SATB1: variants seen among roughly 807,000 people sequenced by gnomAD.
The protein encoded by SATB1 is SATB homeobox 1, also known as DNA-binding protein SATB1.
Under a neutral mutation model 86.9 loss-of-function variants are expected in SATB1, and 11 were observed. That is an observed-to-expected ratio of 0.13 (90% confidence interval 0.08 to 0.21). The LOEUF is 0.21. Ranked by LOEUF, SATB1 falls within the 10% of genes least tolerant of loss-of-function variation. The pLI, the probability that SATB1 is intolerant of heterozygous loss-of-function variation, is 1.00. For synonymous variants in SATB1, 357 were observed against 357.2 expected (o/e 1.00, Z 0.01); for missense variants, 551 against 937.6 (o/e 0.59, Z 5.39).
chr3:18,371,137 C>T (rs1174314684), intron 9 of SATB1, among the ~76,000 whole-genome samples: 1 of 152,104 alleles, frequency 6.6e-6, no homozygotes, highest in African/African-American at 2.4e-5. Context: ...AACCCAATTC[C>T]TGAAGCATCT....
In SATB1 at chr3:18,349,142, A is replaced by G. The variant is rs1302570918; in HGVS notation, c.*28T>C. ...CATTTTGTTAGTAAATACCAGTGGC[A>G]CTGTTGAACGAAACAAATACTTTTA... is the stretch of plus-strand genomic sequence containing the variant. On this transcript the variant is annotated 3_prime_UTR_variant, in exon 11 of 11. Coordinates refer to ENST00000338745, the MANE Select transcript of SATB1 (RefSeq NM_002971.6). This position sits in a 1 kb window ranked among gnomAD's most constrained non-coding sequence, Gnocchi z 5.5. 6.2e-7 allele frequency: 1 copy of G among 1,602,344 alleles called. No homozygotes were observed. Among genetic ancestry groups the G allele is most frequent in the Non-Finnish European group, 8.5e-7 (1 of 1,173,166 alleles).
At position 18,346,881 on chromosome 3, in the gene SATB1, A is replaced by T. The variant is rs1319647886; in HGVS notation, c.*2289T>A. The T allele has an allele frequency of 6.6e-6, 1 of 152,070 alleles. No individual in the cohort carries two copies. The highest frequency in any genetic ancestry group is 6.6e-5 in the Admixed American group (1 of 15,262). 9.4% of individuals were successfully genotyped at this position (152,070 alleles called of 1,614,324 possible). Reference sequence around the variant, plus strand: ...ATTTCCTATTTTTTAAATACATGAAACCTAGTTTCTATTTTCTTAATTCAA... The same window carrying T: ...ATTTCCTATTTTTTAAATACATGAATCCTAGTTTCTATTTTCTTAATTCAA... On this transcript the variant is annotated 3_prime_UTR_variant, in exon 11 of 11. Transcript: ENST00000338745.
chr3:18,367,830 T>C (rs576494512), intron 9 of SATB1, among the ~76,000 whole-genome samples: 1 of 152,158 alleles, frequency 6.6e-6, no homozygotes, highest in Non-Finnish European at 1.5e-5. Flanking sequence ...TGGGGGATAA[T>C]TTTTTATCTT....
At chr3:18,367,374 CAAAGAACATTA>C (rs2125161776) in intron 9 of SATB1, among the ~76,000 whole-genome samples, 1 of 152,196 alleles carries the variant, frequency 6.6e-6, no homozygotes, top group South Asian at 2.1e-4. Flanking sequence ...AAGAAAACAA[CAAAGAACATTA>C]AAAGGAATCA....
rs552387159 is a variant in SATB1 at position 18,415,049 on chromosome 3, T to C, written c.639+62A>G. The stretch of plus-strand genomic sequence containing the variant: ...AGTTGCTTTAAACCAGGGAGCTCCA[T>C]CAAACCTCAAATCAGGGTTGCCCAT... On this transcript the variant is annotated intron_variant, in intron 5 of 10. Coordinates refer to ENST00000338745, the MANE Select transcript of SATB1 (RefSeq NM_002971.6). 2.0e-4 allele frequency: 324 copies of C among 1,590,412 alleles called. 6 individuals carry two copies. The South Asian group carries it at 3.4e-3, about 17-fold the overall frequency.
At chr3:18,367,632 G>A (rs1219852547) in intron 9 of SATB1, among the ~76,000 whole-genome samples, 1 of 152,124 alleles carries the variant, frequency 6.6e-6, no homozygotes, top group Non-Finnish European at 1.5e-5. Context: ...GTAGTCTAAC[G>A]ATTAATTTAA....
At chr3:18,419,489 C>G (rs577734620) in intron 2 of SATB1, among the ~76,000 whole-genome samples, 42 of 152,176 alleles carry the variant, frequency 2.8e-4, no homozygotes, top group Non-Finnish European at 5.1e-4. Context: ...CTAAAACTGT[C>G]CTGGCATTAA....
At chr3:18,415,349 T>C in intron 4 of SATB1, 115 bp from the exon 5 acceptor site, 1 of 1,190,720 alleles carries the variant, frequency 8.4e-7, no homozygotes, top group Non-Finnish European at 1.2e-6. Context: ...ATCTGGAGAT[T>C]GCTCTCGGTC....
chr3:18,414,860 C>A (rs150997035), intron 5 of SATB1: 4 of 359,588 alleles, frequency 1.1e-5, no homozygotes, highest in Non-Finnish European at 1.5e-5. Flanking sequence ...AATTAGCCAG[C>A]GGAGTCTTCC....
chr3:18,366,221 T>A lies in SATB1; in HGVS notation c.1575+11949A>T, dbSNP rs547178234. On this transcript the variant is annotated intron_variant, in intron 9 of 10. Coordinates refer to ENST00000338745, the MANE Select transcript of SATB1 (RefSeq NM_002971.6). The stretch of plus-strand genomic sequence containing the variant: ...ATTAAATGCTACAGGTACCAATTTA[T>A]AAACTTGCAAAAATGGATTTCAAGG... Among the ~76,000 whole-genome samples the A allele has an allele frequency of 9.2e-5, 14 of 151,670 alleles. No individual in the cohort carries two copies. The South Asian group carries it at 2.9e-3, about 32-fold the overall frequency.
intron 2 of SATB1, 73 bp downstream of exon 2, chr3:18,420,684 A>AC (rs1698339542): frequency 8.4e-7 from 1 of 1,195,180 alleles, no homozygotes; most frequent in South Asian, 1.2e-5. Flanking sequence ...CTGCCACTCC[A>AC]CCCCCACACA....
intron 8 of SATB1, among the ~76,000 whole-genome samples, chr3:18,385,035 C>T (rs1348128890): frequency 6.6e-6 from 1 of 152,046 alleles, no homozygotes; most frequent in East Asian, 1.9e-4. Context: ...AGTTTCAGAA[C>T]CTTATGATAA....
intron 5 of SATB1, among the ~76,000 whole-genome samples, chr3:18,399,674 G>A (rs560934587): frequency 1.3e-5 from 2 of 152,264 alleles, no homozygotes; most frequent in South Asian, 2.1e-4. Flanking sequence ...CATGGTGTAT[G>A]CTTAGGAAAC....
chr3:18,355,627 G>A (rs1047579456), intron 9 of SATB1, among the ~76,000 whole-genome samples: 5 of 151,940 alleles, frequency 3.3e-5, no homozygotes, highest in African/African-American at 1.2e-4. Flanking sequence ...GGAATGAAAT[G>A]CAGTGCTTTG....
At chr3:18,367,263 A>C (rs1347635478) in intron 9 of SATB1, among the ~76,000 whole-genome samples, 1 of 152,212 alleles carries the variant, frequency 6.6e-6, no homozygotes, top group African/African-American at 2.4e-5. Context: ...TATGTAGAAA[A>C]TCAGGAGCCA....
At chr3:18,390,638 A>C (rs1417694952) in intron 7 of SATB1, among the ~76,000 whole-genome samples, 1 of 152,138 alleles carries the variant, frequency 6.6e-6, no homozygotes, top group Non-Finnish European at 1.5e-5. Context: ...TCCACCACAT[A>C]ATTTACAGAA....
chr3:18,423,613 G>T lies in SATB1; in HGVS notation c.-25+14C>A, dbSNP rs1170403208. 6.6e-6 allele frequency: 1 copy of T among 151,764 alleles called. No homozygotes were observed. Among genetic ancestry groups the T allele is most frequent in the African/African-American group, 2.4e-5 (1 of 41,286 alleles). 9.4% of individuals were successfully genotyped at this position (151,764 alleles called of 1,614,324 possible). A position where few individuals can be genotyped will look rare whatever the true frequency, so the allele number is the denominator to read the frequency against. On this transcript the variant is annotated intron_variant, in intron 1 of 10. Coordinates refer to ENST00000338745, the MANE Select transcript of SATB1 (RefSeq NM_002971.6). ...TTTACTGAGTGAAATTAGCAAAACCGACCTGAAACTCACCACTTCAAAACT... is the reference window on the plus strand; with the variant it reads ...TTTACTGAGTGAAATTAGCAAAACCTACCTGAAACTCACCACTTCAAAACT...
intron 9 of SATB1, among the ~76,000 whole-genome samples, chr3:18,370,506 TGA>T (rs1345831923): frequency 1.6e-5 from 1 of 61,694 alleles, no homozygotes; most frequent in African/African-American, 6.7e-5. Flanking sequence ...ATGGGACAAC[TGA>T]GAGAGGCAAA....
At chr3:18,365,568 T>A (rs1695145958) in intron 9 of SATB1, among the ~76,000 whole-genome samples, 1 of 152,164 alleles carries the variant, frequency 6.6e-6, no homozygotes, top group Admixed American at 6.5e-5. Context: ...ACAGTCTTTG[T>A]CTAACTAGCT....
Sources: gnomAD v4.1 joint callset for allele counts (sites outside exome capture counted in the v4.1 genomes callset) on GRCh38, gnomAD v4.1.1 for gene constraint, Gnocchi (gnomAD v3.1) non-coding constraint, MANE v1.5 for transcripts, NCBI Gene and HGNC (gene_info 2026-07-23, HGNC 2026-07-21) for gene names.